Variants in BRSK2 observed in about 807,000 individuals in gnomAD.
BRSK2 encodes the protein serine/threonine-protein kinase BRSK2.
A neutral mutation model predicts 83.3 loss-of-function variants in BRSK2; 19 were observed. The observed-to-expected ratio is 0.23, with a 90% CI of 0.16 to 0.33. BRSK2 has a LOEUF of 0.33. Among genes scored for constraint, BRSK2 ranks in the 10% least tolerant of loss-of-function variants. The probability of loss-of-function intolerance (pLI) is 1.00; values close to 1 mark genes in which losing one functional copy is unlikely to be tolerated. For missense variants in BRSK2, 798 were observed against 1,042.3 expected (o/e 0.77, Z 3.23); for synonymous variants, 519 against 435.4 (o/e 1.19, Z -2.39).
chr11:1,398,054 A>T (rs10734285), intron 1 of BRSK2, among the ~76,000 whole-genome samples: 1 of 152,142 alleles, frequency 6.6e-6, no homozygotes, highest in African/African-American at 2.4e-5. Flanking sequence ...GATGGCTGCA[A>T]GTCGGGCTGA....
intron 1 of BRSK2, among the ~76,000 whole-genome samples, chr11:1,416,003 G>T (rs1227863005): frequency 6.6e-6 from 1 of 152,278 alleles, no homozygotes; most frequent in Non-Finnish European, 1.5e-5. Context: ...AGTGGGAACT[G>T]GAACCAGGCA....
intron 1 of BRSK2, among the ~76,000 whole-genome samples, chr11:1,392,695 G>A (rs1005491578): frequency 5.3e-5 from 8 of 152,190 alleles, no homozygotes; most frequent in African/African-American, 7.2e-5. Context: ...CACCCCCACC[G>A]GGGCCTGGAG....
At chr11:1,425,543 G>C (rs1221981205) in intron 1 of BRSK2, among the ~76,000 whole-genome samples, 1 of 152,188 alleles carries the variant, frequency 6.6e-6, no homozygotes, top group Admixed American at 6.5e-5. Context: ...GGCAGGGCAG[G>C]CCTGTCCAAT....
In BRSK2 at chr11:1,440,218, G is replaced by A. The variant is rs546610185; in HGVS notation, c.273-570G>A. On this transcript the variant is annotated intron_variant, in intron 3 of 19. Transcript: ENST00000528841. ...ACCCTCCATGTGGCTGAGACCCCAC[G>A]GGGGCGGTGCTGGGAGCCCACCAGG... is the stretch of plus-strand genomic sequence containing the variant. Among the ~76,000 whole-genome samples the A allele has an allele frequency of 7.5e-3, 1,147 of 152,266 alleles. 15 individuals carry two copies. Among genetic ancestry groups the A allele is most frequent in the African/African-American group, 0.026 (1,090 of 41,556 alleles).
intron 1 of BRSK2, among the ~76,000 whole-genome samples, chr11:1,416,867 T>A (rs1461980330): frequency 6.6e-6 from 1 of 152,120 alleles, no homozygotes; most frequent in Non-Finnish European, 1.5e-5. Context: ...TCTCTTAAAA[T>A]GTGGCTTCTT....
Position 1,454,170 on chromosome 11 carries a change from C to T in BRSK2, c.1545-315C>T, listed in dbSNP as rs548257675. 8.2e-5 allele frequency: 20 copies of T among 244,288 alleles called. No individual in the cohort carries two copies. The South Asian group carries it at 1.2e-3, about 14-fold the overall frequency. 15.1% of individuals were successfully genotyped at this position (244,288 alleles called of 1,614,324 possible). A position where few individuals can be genotyped will look rare whatever the true frequency, so the allele number is the denominator to read the frequency against. ...GCGGCCTTGGTGAGGGGGGGCTCACCTGTGGGGGGCTCACCTGTGGAGGGG... is the reference window on the plus strand; with the variant it reads ...GCGGCCTTGGTGAGGGGGGGCTCACTTGTGGGGGGCTCACCTGTGGAGGGG... On this transcript the variant is annotated intron_variant, in intron 15 of 19. Transcript: ENST00000528841. The surrounding 1 kb of genome is among the most constrained non-coding windows in gnomAD (Gnocchi z 5.2).
intron 15 of BRSK2, among the ~76,000 whole-genome samples, chr11:1,452,456 A>G (rs1483481398): frequency 6.6e-6 from 1 of 152,222 alleles, no homozygotes; most frequent in Admixed American, 6.5e-5. Flanking sequence ...ACAGACTCAT[A>G]ATTATCTTCC....
At chr11:1,422,479 G>A (rs779654660) in intron 1 of BRSK2, among the ~76,000 whole-genome samples, 8 of 152,266 alleles carry the variant, frequency 5.3e-5, no homozygotes, top group East Asian at 1.9e-4. Flanking sequence ...GGGCCCTGGC[G>A]AGTGAGGAGC....
At chr11:1,407,159 A>G (rs2134085154) in intron 1 of BRSK2, among the ~76,000 whole-genome samples, 1 of 152,164 alleles carries the variant, frequency 6.6e-6, no homozygotes, top group East Asian at 1.9e-4. Flanking sequence ...GCCCTGGAGG[A>G]GGCTGCTGTG....
In BRSK2 at chr11:1,460,734, C is replaced by CTCT. The variant is rs1461548228; in HGVS notation, c.*11_*12insTCT. ...CGCGAGCAGCCTTAGACACACTAGC[C>CTCT]CCCCCCCCCAGCACAGCACTGACAG... On this transcript the variant is annotated 3_prime_UTR_variant, in exon 20 of 20. Coordinates refer to ENST00000528841, the MANE Select transcript of BRSK2 (RefSeq NM_001256627.2). The CTCT allele has an allele frequency of 1.3e-6, 1 of 796,554 alleles. No individual in the cohort carries two copies. Among genetic ancestry groups the CTCT allele is most frequent in the East Asian group, 5.0e-5 (1 of 19,872 alleles). 49.3% of individuals were successfully genotyped at this position (796,554 alleles called of 1,614,324 possible). A position where few individuals can be genotyped will look rare whatever the true frequency, so the allele number is the denominator to read the frequency against.
At chr11:1,447,764 A>T (rs1293262512) in intron 12 of BRSK2, 2 of 1,587,026 alleles carry the variant, frequency 1.3e-6, no homozygotes, top group Non-Finnish European at 8.5e-7. Context: ...TGTGGCCGTC[A>T]GTAACTGTGT....
chr11:1,442,737 C>T (rs969258092), intron 5 of BRSK2, 131 bp downstream of exon 5: 52 of 733,860 alleles, frequency 7.1e-5, no homozygotes, highest in African/African-American at 1.2e-4. Context: ...CCACAATGTG[C>T]CTGAGCCTCC....
intron 18 of BRSK2, 109 bp from the exon 19 acceptor site, chr11:1,459,083 C>A: frequency 1.9e-6 from 2 of 1,068,100 alleles, no homozygotes; most frequent in Non-Finnish European, 2.8e-6. Context: ...TGGGGCCCTA[C>A]CCACTCCTGG....
intron 19 of BRSK2, 26 bp from the exon 20 acceptor site, chr11:1,460,474 T>TTTC: frequency 1.5e-6 from 2 of 1,303,934 alleles, no homozygotes; most frequent in Non-Finnish European, 2.0e-6. Context: ...TTTTTTTTTT[T>TTTC]TTTTGTCTCT....
chr11:1,395,205 T>C (rs908627136), intron 1 of BRSK2, among the ~76,000 whole-genome samples: 12 of 152,284 alleles, frequency 7.9e-5, no homozygotes, highest in African/African-American at 2.9e-4. Context: ...GGGGCTGGAC[T>C]GAACCCCTCA....
chr11:1,427,392 C>A (rs1025143220), intron 1 of BRSK2, among the ~76,000 whole-genome samples: 1 of 152,184 alleles, frequency 6.6e-6, no homozygotes, highest in African/African-American at 2.4e-5. Flanking sequence ...AGTCCTGGGG[C>A]TCCCTTTGAC....
In BRSK2 at chr11:1,449,839, G is replaced by A; in HGVS notation, c.1287+3G>A. The A allele has an allele frequency of 6.2e-7, 1 of 1,609,214 alleles. No individual in the cohort carries two copies. Among genetic ancestry groups the A allele is most frequent in the Non-Finnish European group, 8.5e-7 (1 of 1,177,222 alleles). On this transcript the variant is annotated splice_donor_region_variant and intron_variant, in intron 13 of 19. Coordinates refer to ENST00000528841, the MANE Select transcript of BRSK2 (RefSeq NM_001256627.2). ...CCAGCCCACTCAGCAGCCCCCGGGT[G>A]AGTGACCCCCCGCCCCCACCCAGCT...
intron 1 of BRSK2, among the ~76,000 whole-genome samples, chr11:1,429,510 T>A (rs1179225239): frequency 6.6e-6 from 1 of 152,200 alleles, no homozygotes; most frequent in Non-Finnish European, 1.5e-5. Flanking sequence ...TGCTGCTCTG[T>A]CGCCAGCATC....
At position 1,425,677 on chromosome 11, in the gene BRSK2, C is replaced by T. The variant is rs576789988; in HGVS notation, c.92-10363C>T. ...GCCCATCCCGAGCCCCCCACACCCC[C>T]GCTCGTCTCCCACTCTGTGTCCTCT... On this transcript the variant is annotated intron_variant, in intron 1 of 19. Transcript: ENST00000528841. 6.6e-5 allele frequency among the ~76,000 whole-genome samples: 10 copies of T among 152,332 alleles called. No individual in the cohort carries two copies. In the South Asian group the frequency reaches 1.2e-3, roughly 19 times the overall value.
Sources: gnomAD v4.1 joint callset for allele counts (sites outside exome capture counted in the v4.1 genomes callset) on GRCh38, gnomAD v4.1.1 for gene constraint, Gnocchi (gnomAD v3.1) non-coding constraint, MANE v1.5 for transcripts, NCBI Gene and HGNC (gene_info 2026-07-23, HGNC 2026-07-21) for gene names.